Variants in CMYA5 observed in about 807,000 individuals in gnomAD.
The protein encoded by CMYA5 is cardiomyopathy associated 5.
Under a neutral mutation model 318.9 loss-of-function variants are expected in CMYA5, and 246 were observed. The ratio of observed to expected loss-of-function variants is 0.77; its 90% CI spans 0.70 to 0.86. CMYA5 has a LOEUF of 0.86. Among genes scored for constraint, CMYA5 ranks in the 40% least tolerant of loss-of-function variants. CMYA5 has a pLI of 0.00. For missense variants in CMYA5, 4,589 were observed against 4,678.2 expected (o/e 0.98, Z 0.56); for synonymous variants, 1,641 against 1,729.5 (o/e 0.95, Z 1.27).
chr5:79,776,656 G>A (rs1010655453), intron 9 of CMYA5, among the ~76,000 whole-genome samples: 1 of 152,132 alleles, frequency 6.6e-6, no homozygotes, highest in African/African-American at 2.4e-5. Context: ...GGGGAACACT[G>A]CCTTACCAGC....
chr5:79,712,948 C>CT (rs1289664316), intron 1 of CMYA5, among the ~76,000 whole-genome samples: 2 of 152,206 alleles, frequency 1.3e-5, no homozygotes, highest in East Asian at 3.8e-4. Context: ...AATTTGACAG[C>CT]AGTGGCTGGC....
intron 1 of CMYA5, among the ~76,000 whole-genome samples, chr5:79,706,703 C>T (rs1376568754): frequency 2.0e-5 from 3 of 152,050 alleles, no homozygotes; most frequent in Admixed American, 6.5e-5. Flanking sequence ...CCTGACTGCA[C>T]GTCCATTCAT....
intron 5 of CMYA5, among the ~76,000 whole-genome samples, chr5:79,752,317 A>C (rs1209330281): frequency 6.6e-6 from 1 of 152,230 alleles, no homozygotes; most frequent in Non-Finnish European, 1.5e-5. Flanking sequence ...CTCAGTGGGT[A>C]TGAAAGGCTT....
rs956528643 is a variant in CMYA5 at position 79,715,398 on chromosome 5, C to G, written c.150-13517C>G. On this transcript the variant is annotated intron_variant, in intron 1 of 12. Coordinates refer to ENST00000446378, the MANE Select transcript of CMYA5 (RefSeq NM_153610.5). ...CGCCTCCCGGGTTCACGCCACTCTC[C>G]CGCCTCAGCCTCCCGAGTAGCTGGG... Among the ~76,000 whole-genome samples, 18 of 152,130 alleles carry G rather than the reference C, an allele frequency of 1.2e-4. No homozygotes were observed. The East Asian group carries it at 3.5e-3, about 29-fold the overall frequency.
At chr5:79,723,405 C>T (rs1360198949) in intron 1 of CMYA5, among the ~76,000 whole-genome samples, 1 of 145,550 alleles carries the variant, frequency 6.9e-6, no homozygotes, top group Non-Finnish European at 1.5e-5. Context: ...CACCACTGCA[C>T]TTCAGCCTGG....
chr5:79,758,892 A>G lies in CMYA5; in HGVS notation c.11250A>G (p.Gln3750=). The G allele has an allele frequency of 1.9e-6, 3 of 1,585,690 alleles. No individual in the cohort carries two copies. The highest frequency in any genetic ancestry group is 2.6e-6 in the Non-Finnish European group (3 of 1,167,240). Residue 3750 remains glutamine (Q), a synonymous_variant, in exon 7 of 13, where the codon CAA becomes CAG. Coordinates refer to ENST00000446378, the MANE Select transcript of CMYA5 (RefSeq NM_153610.5). ...VYCMEEPQDD[Q]EVNELVEEYR... ...GCATGGAGGAGCCACAAGATGATCAAGAAGTAAATGGTAGGATTGCTAACA... is the reference window on the plus strand; with the variant it reads ...GCATGGAGGAGCCACAAGATGATCAGGAAGTAAATGGTAGGATTGCTAACA...
intron 1 of CMYA5, among the ~76,000 whole-genome samples, chr5:79,694,525 T>G (rs867918044): frequency 6.4e-4 from 98 of 152,306 alleles, no homozygotes; most frequent in Middle Eastern, 3.4e-3. Context: ...ATTTCTCTAT[T>G]TAAGCACAGA....
intron 8 of CMYA5, 152 bp downstream of exon 8, chr5:79,762,109 C>T (rs1445465939): frequency 1.2e-6 from 1 of 812,834 alleles, no homozygotes; most frequent in African/African-American, 1.7e-5. Flanking sequence ...AGCCTGGGGT[C>T]CTGTTCTCAA....
At chr5:79,714,777 A>G (rs1050922267) in intron 1 of CMYA5, among the ~76,000 whole-genome samples, 1 of 152,238 alleles carries the variant, frequency 6.6e-6, no homozygotes. Flanking sequence ...ATTGAAGCAT[A>G]TGTCACACTA....
chr5:79,793,396 G>A (rs1414289840), intron 11 of CMYA5, 41 bp from the exon 12 acceptor site: 13 of 1,566,890 alleles, frequency 8.3e-6, no homozygotes, highest in African/African-American at 8.1e-5. Flanking sequence ...ACAGGCCGGC[G>A]ATTCCTGCAC....
rs1827988289 is a variant in CMYA5 at position 79,734,035 on chromosome 5, A to G, written c.5270A>G (p.His1757Arg). The change falls in exon 2 of 13, where the codon CAT (histidine) becomes CGT (arginine). Residue 1757 changes from histidine (H) to arginine (R), a missense_variant. Around this residue, in one of 3 missense-constraint regions of CMYA5, gnomAD observed 2,132 missense variants for 2,131.3 expected, o/e 1.00. Transcript: ENST00000446378. The stretch of plus-strand genomic sequence containing the variant: ...AAAGGATTATCAGAGGAGGTTAGCC[A>G]TCCAGCCGACTTTAAAAAGGGAGGA... ...SLKGLSEEVS[H>R]PADFKKGGNQ... The G allele has an allele frequency of 6.2e-7, 1 of 1,613,738 alleles. No individual in the cohort carries two copies. Among genetic ancestry groups the G allele is most frequent in the Non-Finnish European group, 8.5e-7 (1 of 1,179,856 alleles).
chr5:79,720,427 AATTTTTTTTTT>A (rs1827600968), intron 1 of CMYA5, among the ~76,000 whole-genome samples: 2 of 136,806 alleles, frequency 1.5e-5, no homozygotes, highest in African/African-American at 5.8e-5. Flanking sequence ...CTGCCAATCT[AATTTTTTTTTT>A]TTTTTTTTTT....
intron 1 of CMYA5, among the ~76,000 whole-genome samples, chr5:79,720,906 G>T (rs1440162652): frequency 6.6e-6 from 1 of 152,172 alleles, no homozygotes. Context: ...AGGAAGGAAT[G>T]AAGCACAATA....
chr5:79,776,046 G>GC (rs1333412106), intron 9 of CMYA5, among the ~76,000 whole-genome samples: 6 of 152,146 alleles, frequency 3.9e-5, no homozygotes, highest in Non-Finnish European at 8.8e-5. Context: ...GAAAGCCTAA[G>GC]CCCCATGGTT....
intron 6 of CMYA5, among the ~76,000 whole-genome samples, chr5:79,755,760 G>A (rs1045048680): frequency 2.2e-4 from 33 of 152,132 alleles, no homozygotes; most frequent in Admixed American, 6.5e-5. Context: ...AAAAGTAAAA[G>A]TATTTCCTGT....
Position 79,732,167 on chromosome 5 carries a change from A to C in CMYA5, c.3402A>C (p.Glu1134Asp), listed in dbSNP as rs1827927379. ...EDLIPSHLTS[E>D]VEKGEREASS... Reference sequence around the variant, plus strand: ...TGATTCCTTCACATTTAACCAGTGAAGTGGAGAAGGGAGAAAGGGAGGCAA... The same window carrying C: ...TGATTCCTTCACATTTAACCAGTGACGTGGAGAAGGGAGAAAGGGAGGCAA... The change falls in exon 2 of 13, where the codon GAA (glutamate) becomes GAC (aspartate). Residue 1134 changes from glutamate (E) to aspartate (D), a missense_variant. This residue lies in a region of CMYA5 where 2,132 missense variants were observed against 2,131.3 expected (regional missense o/e 1.00). Transcript: ENST00000446378. The C allele has an allele frequency of 3.7e-6, 6 of 1,613,972 alleles. No individual in the cohort carries two copies. The highest frequency in any genetic ancestry group is 5.1e-6 in the Non-Finnish European group (6 of 1,179,872).
chr5:79,712,145 T>C (rs1163525839), intron 1 of CMYA5, among the ~76,000 whole-genome samples: 1 of 152,216 alleles, frequency 6.6e-6, no homozygotes, highest in Non-Finnish European at 1.5e-5. Flanking sequence ...GGGATGTACT[T>C]CACCTATCCC....
chr5:79,730,646 T>C lies in CMYA5; in HGVS notation c.1881T>C (p.His627=), dbSNP rs1264938788. ...CCAATGTAGAAGCTATAGCTGAACA[T>C]GCAGTTTTGTCAGAAGAAGAGAATG... ...PPSNVEAIAE[H]AVLSEEENEE... Residue 627 remains histidine, a synonymous_variant, in exon 2 of 13, where the codon CAT becomes CAC. Coordinates refer to ENST00000446378, the MANE Select transcript of CMYA5 (RefSeq NM_153610.5). The C allele has an allele frequency of 1.9e-6, 3 of 1,614,024 alleles. No individual in the cohort carries two copies. Among genetic ancestry groups the C allele is most frequent in the Non-Finnish European group, 1.7e-6 (2 of 1,179,886 alleles).
At chr5:79,713,352 G>C (rs970901884) in intron 1 of CMYA5, among the ~76,000 whole-genome samples, 1 of 132,854 alleles carries the variant, frequency 7.5e-6, no homozygotes, top group Non-Finnish European at 1.5e-5. Context: ...AATGTCAATA[G>C]TGTCACTGTG....
Sources: allele counts gnomAD v4.1 joint callset (sites outside exome capture counted in the v4.1 genomes callset), GRCh38; gene constraint gnomAD v4.1.1; regional missense constraint gnomAD v4.1.1; transcripts MANE v1.5; gene names NCBI Gene and HGNC (gene_info 2026-07-23, HGNC 2026-07-21).